Variants in SAFB2 observed in about 807,000 individuals in gnomAD.
The protein encoded by SAFB2 is scaffold attachment factor B2.
Under a neutral mutation model 100.6 loss-of-function variants are expected in SAFB2, and 32 were observed. The observed-to-expected ratio is 0.32, with a 90% CI of 0.24 to 0.43. The LOEUF is 0.43. SAFB2 is among the 20% of genes least tolerant of loss of function. SAFB2 has a pLI of 1.00. For synonymous variants in SAFB2, 500 were observed against 439.4 expected, an observed-to-expected ratio of 1.14 and a Z score of -1.72; for missense variants, 1,185 against 1,163.4, an observed-to-expected ratio of 1.02 and a Z score of -0.27.
At chr19:5,612,605 T>TA (rs2052932060) in intron 5 of SAFB2, 38 bp from the exon 6 acceptor site, 1 of 1,550,976 alleles carries the variant, frequency 6.4e-7, no homozygotes, top group Non-Finnish European at 8.9e-7. Flanking sequence ...CAAGTCACTT[T>TA]AAACACGGGG....
Position 5,593,924 on chromosome 19 carries a change from CGCTCCTGCTCGTAACGCAGCT to C in SAFB2, c.2153_2173del (p.Gln718_Glu724del). ...GTCGTAGGGCCTCCGCCCGGGCCGC[CGCTCCTGCTCGTAACGCAGCT>C]GCTCCTGCTGGCGCCGCAGCTCCTC... On this transcript the variant is annotated inframe_deletion, in exon 15 of 21. Transcript: ENST00000252542. 6.5e-7 allele frequency: 1 copy of C among 1,536,586 alleles called. No individual in the cohort carries two copies. Among genetic ancestry groups the C allele is most frequent in the Non-Finnish European group, 8.7e-7 (1 of 1,153,076 alleles).
intron 6 of SAFB2, chr19:5,611,876 A>C: frequency 1.5e-6 from 1 of 647,898 alleles, no homozygotes; most frequent in Non-Finnish European, 2.8e-6. Flanking sequence ...ACCTACAACC[A>C]CGCGGCTGGT....
chr19:5,613,236 C>A (rs940305043), intron 5 of SAFB2, among the ~76,000 whole-genome samples: 8 of 152,214 alleles, frequency 5.3e-5, no homozygotes, highest in Non-Finnish European at 1.2e-4. Context: ...ACCACCAGAA[C>A]TGCTCCCTCA....
Position 5,604,949 on chromosome 19 carries a change from G to A in SAFB2, c.1297-13C>T, listed in dbSNP as rs928330622. The A allele has an allele frequency of 1.2e-6, 2 of 1,610,766 alleles. No homozygotes were observed. The highest frequency in any genetic ancestry group is 4.5e-5 in the East Asian group (2 of 44,870). On this transcript the variant is annotated splice_polypyrimidine_tract_variant and intron_variant, in intron 9 of 20. Transcript: ENST00000252542. ...TGGCCCCGACAACCTTCATGAAAAAGGGCACTCTTACTCTCTCATACAAAT... is the reference window on the plus strand; with the variant it reads ...TGGCCCCGACAACCTTCATGAAAAAAGGCACTCTTACTCTCTCATACAAAT...
intron 9 of SAFB2, 46 bp downstream of exon 9, chr19:5,609,949 T>C (rs757519258): frequency 3.9e-6 from 6 of 1,540,590 alleles, no homozygotes; most frequent in East Asian, 2.3e-5. Context: ...AGCTTCCTTT[T>C]TAACTCTGAA....
At chr19:5,593,056 A>C (rs1347415675) in intron 15 of SAFB2, among the ~76,000 whole-genome samples, 169 bp from the exon 16 acceptor site, 1 of 152,196 alleles carries the variant, frequency 6.6e-6, no homozygotes, top group Non-Finnish European at 1.5e-5. Flanking sequence ...TTGATCTGAT[A>C]AATTAAAACC....
intron 13 of SAFB2, among the ~76,000 whole-genome samples, chr19:5,596,720 C>A (rs984537258): frequency 4.5e-4 from 68 of 152,122 alleles, no homozygotes; most frequent in African/African-American, 1.5e-3. Context: ...TTCTCCAGGG[C>A]CCCTCACCCA....
At chr19:5,611,774 A>G (rs561771735) in intron 6 of SAFB2, 144 bp from the exon 7 acceptor site, 1 of 555,432 alleles carries the variant, frequency 1.8e-6, no homozygotes, top group South Asian at 2.0e-5. Flanking sequence ...GCGGGTACAC[A>G]AAGTTATACT....
chr19:5,618,598 T>C (rs914099938), intron 2 of SAFB2, among the ~76,000 whole-genome samples: 3 of 152,276 alleles, frequency 2.0e-5, no homozygotes, highest in African/African-American at 7.2e-5. Flanking sequence ...AACTCAGCTG[T>C]CCCACTTCGC....
chr19:5,607,479 C>CA (rs1330065734), intron 9 of SAFB2, among the ~76,000 whole-genome samples: 11 of 152,152 alleles, frequency 7.2e-5, no homozygotes, highest in Non-Finnish European at 1.3e-4. Flanking sequence ...GCACCCCTTG[C>CA]AGACAGACTG....
At chr19:5,620,684 G>C (rs940436221) in intron 2 of SAFB2, among the ~76,000 whole-genome samples, 1 of 152,252 alleles carries the variant, frequency 6.6e-6, no homozygotes, top group Non-Finnish European at 1.5e-5. Flanking sequence ...AAAGTAAGGC[G>C]ACTAACTTCT....
chr19:5,587,435 A>C lies in SAFB2; in HGVS notation c.2706-36T>G. The C allele has an allele frequency of 6.3e-7, 1 of 1,577,226 alleles. No individual in the cohort carries two copies. The highest frequency in any genetic ancestry group is 8.6e-7 in the Non-Finnish European group (1 of 1,159,872). ...AGTCAGACAATTTTTTTCCCCTTGA[A>C]GTGCTCAGCGTTTTCATCGTAACAT... On this transcript the variant is annotated intron_variant, in intron 20 of 20. Transcript: ENST00000252542. The surrounding 1 kb of genome is among the most constrained non-coding windows in gnomAD (Gnocchi z 4.9).
intron 13 of SAFB2, among the ~76,000 whole-genome samples, chr19:5,597,958 C>T (rs752620453): frequency 2.6e-5 from 4 of 151,762 alleles, no homozygotes; most frequent in Admixed American, 6.6e-5. Flanking sequence ...GGCAAAATCC[C>T]GTCTCTACTA....
At chr19:5,592,949 G>A (rs2052446183) in intron 15 of SAFB2, 62 bp from the exon 16 acceptor site, 1 of 1,537,316 alleles carries the variant, frequency 6.5e-7, no homozygotes, top group African/African-American at 1.4e-5. Context: ...AGGAAAAAAG[G>A]AGGAGGTGGA....
At chr19:5,620,603 T>C (rs188886657) in intron 2 of SAFB2, among the ~76,000 whole-genome samples, 41 of 152,320 alleles carry the variant, frequency 2.7e-4, no homozygotes, top group Admixed American at 1.9e-3. Flanking sequence ...TCCATCTACA[T>C]GAAATGTCCA....
intron 8 of SAFB2, chr19:5,610,378 G>A: frequency 1.7e-6 from 1 of 585,834 alleles, no homozygotes; most frequent in Non-Finnish European, 3.0e-6. Context: ...TAAAATCCTT[G>A]AAACAGTCTT....
chr19:5,591,829 G>A, intron 16 of SAFB2, 36 bp from the exon 17 acceptor site: 1 of 1,611,214 alleles, frequency 6.2e-7, no homozygotes, highest in Non-Finnish European at 8.5e-7. Flanking sequence ...AACAGCACCA[G>A]GCACGACTAC....
At chr19:5,607,589 G>C (rs2052803896) in intron 9 of SAFB2, among the ~76,000 whole-genome samples, 1 of 152,144 alleles carries the variant, frequency 6.6e-6, no homozygotes, top group African/African-American at 2.4e-5. Context: ...CCACAAGAAG[G>C]CAGATAAATG....
Position 5,610,547 on chromosome 19 carries a change from T to C in SAFB2, c.1195+92A>G, listed in dbSNP as rs1568225162. 1.9e-5 allele frequency: 18 copies of C among 938,862 alleles called. No individual in the cohort carries two copies. The East Asian group carries it at 4.6e-4, about 24-fold the overall frequency. 58.2% of individuals were successfully genotyped at this position (938,862 alleles called of 1,614,324 possible). A position where few individuals can be genotyped will look rare whatever the true frequency, so the allele number is the denominator to read the frequency against. ...TTCCGGTAACCCATAACAAAACAAA[T>C]TACTGAATCCAAAGTGTGTATATCT... On this transcript the variant is annotated intron_variant, in intron 8 of 20. Transcript: ENST00000252542.
Sources: allele counts gnomAD v4.1 joint callset (sites outside exome capture counted in the v4.1 genomes callset), GRCh38; gene constraint gnomAD v4.1.1; non-coding constraint Gnocchi (gnomAD v3.1); transcripts MANE v1.5; gene names NCBI Gene and HGNC (gene_info 2026-07-23, HGNC 2026-07-21).